Variants in HIVEP3 observed in about 807,000 individuals in gnomAD.
HIVEP3 encodes the protein transcription factor HIVEP3.
A neutral mutation model predicts 152.8 loss-of-function variants in HIVEP3; 49 were observed. The ratio of observed to expected loss-of-function variants is 0.32; its 90% CI spans 0.26 to 0.41. The LOEUF (loss-of-function observed/expected upper bound fraction) is 0.41, where lower values mean the gene tolerates loss of function less well. HIVEP3 is among the 10% of genes least tolerant of loss of function. The probability of loss-of-function intolerance (pLI) is 1.00; values close to 1 mark genes in which losing one functional copy is unlikely to be tolerated. For missense variants in HIVEP3, 2,790 were observed against 3,103.3 expected, an observed-to-expected ratio of 0.90 and a Z score of 2.40; for synonymous variants, 1,269 against 1,289.0, an observed-to-expected ratio of 0.98 and a Z score of 0.33.
At chr1:41,687,150 G>T (rs1646126709) in intron 2 of HIVEP3, among the ~76,000 whole-genome samples, 2 of 152,174 alleles carry the variant, frequency 1.3e-5, no homozygotes, top group Non-Finnish European at 2.9e-5. Context: ...CCTAACAGAG[G>T]AAACAGTAAG....
intron 1 of HIVEP3, among the ~76,000 whole-genome samples, chr1:41,883,914 T>C (rs1359508787): frequency 4.6e-5 from 7 of 152,014 alleles, no homozygotes; most frequent in Non-Finnish European, 8.8e-5. Flanking sequence ...AAAAATGGAG[T>C]AACCTATTAT....
intron 1 of HIVEP3, among the ~76,000 whole-genome samples, chr1:41,858,383 C>A (rs1643827976): frequency 6.6e-6 from 1 of 152,188 alleles, no homozygotes; most frequent in Non-Finnish European, 1.5e-5. Context: ...CCCTGTCATT[C>A]ACAAAAATGG....
intron 1 of HIVEP3, among the ~76,000 whole-genome samples, chr1:41,925,418 ATATT>A (rs1189933606): frequency 6.6e-6 from 1 of 152,248 alleles, no homozygotes; most frequent in East Asian, 1.9e-4. Flanking sequence ...AGCAAAGAAA[ATATT>A]AAGAAAAATC....
At chr1:41,825,780 T>C (rs755330722) in intron 1 of HIVEP3, among the ~76,000 whole-genome samples, 2 of 151,940 alleles carry the variant, frequency 1.3e-5, no homozygotes, top group Admixed American at 1.3e-4. Flanking sequence ...CTAAGTTTTG[T>C]ATTTTTTTGT....
intron 1 of HIVEP3, among the ~76,000 whole-genome samples, chr1:41,925,410 C>A (rs1424962177): frequency 6.6e-6 from 1 of 151,956 alleles, no homozygotes; most frequent in African/African-American, 2.4e-5. Context: ...TAAGCTAGAG[C>A]AAAGAAAATA....
intron 2 of HIVEP3, among the ~76,000 whole-genome samples, chr1:41,647,364 C>T (rs1460316887): frequency 1.3e-5 from 2 of 152,202 alleles, no homozygotes; most frequent in African/African-American, 4.8e-5. Flanking sequence ...CAGACACACA[C>T]TCACCCTCCT....
intron 1 of HIVEP3, among the ~76,000 whole-genome samples, chr1:41,901,250 T>C (rs902271574): frequency 1.3e-5 from 2 of 151,364 alleles, no homozygotes; most frequent in African/African-American, 4.9e-5. Flanking sequence ...GGGGCTGGGG[T>C]GTGGGTTGGT....
chr1:41,786,898 C>T (rs1451740345), intron 1 of HIVEP3, among the ~76,000 whole-genome samples: 5 of 151,758 alleles, frequency 3.3e-5, no homozygotes, highest in South Asian at 4.2e-4. Flanking sequence ...ATTACAGGTG[C>T]GCACCACCAC....
chr1:41,949,020 T>C (rs1241155994), intron 1 of HIVEP3, among the ~76,000 whole-genome samples: 1 of 152,176 alleles, frequency 6.6e-6, no homozygotes, highest in Non-Finnish European at 1.5e-5. Context: ...ACCTCACCTG[T>C]GTAAAATTTA....
At chr1:42,024,491 A>C (rs1405268468) in intron 1 of HIVEP3, among the ~76,000 whole-genome samples, 1 of 152,224 alleles carries the variant, frequency 6.6e-6, no homozygotes, top group Non-Finnish European at 1.5e-5. Context: ...ATCAGCCTGA[A>C]GATAGTCATT....
intron 5 of HIVEP3, among the ~76,000 whole-genome samples, chr1:41,544,657 C>CTAT (rs1643622873): frequency 2.4e-4 from 35 of 146,122 alleles, no homozygotes; most frequent in African/African-American, 8.2e-4. Flanking sequence ...ACCACTACCA[C>CTAT]CACTACTACC....
intron 1 of HIVEP3, among the ~76,000 whole-genome samples, chr1:41,797,449 T>A (rs1650046967): frequency 6.6e-6 from 1 of 152,092 alleles, no homozygotes; most frequent in African/African-American, 2.4e-5. Flanking sequence ...ACTATTCCCT[T>A]CCCTCCTTCT....
intron 1 of HIVEP3, among the ~76,000 whole-genome samples, chr1:41,987,475 AC>A (rs1645331153): frequency 6.6e-6 from 1 of 152,198 alleles, no homozygotes; most frequent in East Asian, 1.9e-4. Context: ...TCTTGAGCAA[AC>A]AGAACAAAGC....
In HIVEP3 at chr1:41,524,876, C is replaced by T. The variant is rs748302850; in HGVS notation, c.5242G>A (p.Gly1748Ser). Residue 1748 changes from glycine (G) to serine (S), a missense_variant, in exon 6 of 9, where the codon GGC (glycine) becomes AGC (serine). Physicochemically the swap from Gly to Ser is moderately conservative, Grantham distance 56. Coordinates refer to ENST00000372583, the MANE Select transcript of HIVEP3 (RefSeq NM_024503.5). ...KSNEEYVYVR[G>S]RGRGKYVCEE... ...CAAACATATTTCCCTCGGCCGCGGC[C>T]TCGCACATATACATACTCTTCGTTT... The T allele has an allele frequency of 6.2e-7, 1 of 1,614,050 alleles. No homozygotes were observed. Among genetic ancestry groups the T allele is most frequent in the African/African-American group, 1.3e-5 (1 of 74,928 alleles).
chr1:41,716,655 C>T (rs944338267), intron 1 of HIVEP3, among the ~76,000 whole-genome samples: 2 of 152,154 alleles, frequency 1.3e-5, no homozygotes, highest in African/African-American at 4.8e-5. Flanking sequence ...GGTCATGGTG[C>T]ATTGGGAAAT....
intron 1 of HIVEP3, among the ~76,000 whole-genome samples, chr1:41,840,376 A>G (rs1315479387): frequency 6.6e-6 from 1 of 152,228 alleles, no homozygotes; most frequent in African/African-American, 2.4e-5. Flanking sequence ...TGATGACAAC[A>G]GAGGCCGAGA....
intron 1 of HIVEP3, among the ~76,000 whole-genome samples, chr1:41,771,012 A>G (rs999885749): frequency 7.9e-5 from 12 of 152,166 alleles, no homozygotes; most frequent in Admixed American, 2.0e-4. Context: ...AAAAATCACA[A>G]TGGTTTGTGG....
intron 1 of HIVEP3, among the ~76,000 whole-genome samples, chr1:41,746,141 C>A (rs540568984): frequency 3.3e-5 from 5 of 152,264 alleles, no homozygotes; most frequent in African/African-American, 1.2e-4. Context: ...CCATGGTTTC[C>A]CTCTGTGGCT....
At chr1:41,717,477 G>C (rs1646612693) in intron 1 of HIVEP3, among the ~76,000 whole-genome samples, 2 of 152,210 alleles carry the variant, frequency 1.3e-5, no homozygotes, top group African/African-American at 4.8e-5. Context: ...GAAGGTGCTT[G>C]AGTTGATGTG....
Sources: allele counts gnomAD v4.1 joint callset (sites outside exome capture counted in the v4.1 genomes callset), GRCh38; gene constraint gnomAD v4.1.1; transcripts MANE v1.5; gene names NCBI Gene and HGNC (gene_info 2026-07-23, HGNC 2026-07-21).